The following UXS1 variants were observed in gnomAD, a reference collection of about 807,000 sequenced individuals.
The protein encoded by UXS1 is UDP-glucuronate decarboxylase 1.
Under a neutral mutation model 62.6 loss-of-function variants are expected in UXS1, and 33 were observed. The ratio of observed to expected loss-of-function variants is 0.53; its 90% CI spans 0.40 to 0.70. The LOEUF is 0.70. UXS1 is among the 30% of genes least tolerant of loss of function. UXS1 has a pLI of 0.00. For missense variants in UXS1, 434 were observed against 556.3 expected, an observed-to-expected ratio of 0.78 and a Z score of 2.21; for synonymous variants, 213 against 206.8, an observed-to-expected ratio of 1.03 and a Z score of -0.26.
At chr2:106,181,358 C>T (rs903739853) in intron 1 of UXS1, among the ~76,000 whole-genome samples, 7 of 152,200 alleles carry the variant, frequency 4.6e-5, no homozygotes, top group African/African-American at 1.4e-4. Flanking sequence ...CAGGCTCCAG[C>T]GAGCACCACC....
intron 9 of UXS1, among the ~76,000 whole-genome samples, chr2:106,114,323 T>C (rs1420799069): frequency 2.0e-5 from 3 of 152,214 alleles, no homozygotes; most frequent in African/African-American, 7.2e-5. Context: ...GCCACTCAGA[T>C]ACTCAGGACA....
chr2:106,193,807 G>A (rs1182110332), intron 1 of UXS1, among the ~76,000 whole-genome samples: 2 of 151,404 alleles, frequency 1.3e-5, no homozygotes, highest in Admixed American at 6.6e-5. Flanking sequence ...GTCCCCGACC[G>A]GGACCCTCGC....
chr2:106,119,550 A>C (rs964074124), intron 9 of UXS1, among the ~76,000 whole-genome samples: 1 of 152,212 alleles, frequency 6.6e-6, no homozygotes, highest in African/African-American at 2.4e-5. Context: ...CACCCACAGC[A>C]GGCACGCAGA....
At chr2:106,166,031 T>A in intron 2 of UXS1, 25 bp downstream of exon 2, 1 of 1,607,762 alleles carries the variant, frequency 6.2e-7, no homozygotes. Context: ...CCAACCACAG[T>A]ACCCAAGTAA....
intron 5 of UXS1, among the ~76,000 whole-genome samples, chr2:106,150,765 T>C (rs998584901): frequency 1.3e-5 from 2 of 152,126 alleles, no homozygotes; most frequent in Non-Finnish European, 2.9e-5. Context: ...ACTCCGGAAC[T>C]GTAAAGCTAC....
intron 6 of UXS1, among the ~76,000 whole-genome samples, chr2:106,141,730 T>C (rs1205413409): frequency 1.3e-5 from 2 of 152,160 alleles, no homozygotes; most frequent in African/African-American, 2.4e-5. Flanking sequence ...ATTACAGACA[T>C]GATCCACTGT....
At position 106,093,996 on chromosome 2, in the gene UXS1, T is replaced by C. The variant is rs1240687586; in HGVS notation, c.*30A>G. On this transcript the variant is annotated 3_prime_UTR_variant, in exon 15 of 15. Transcript: ENST00000283148. ...AAAATACATCCCATCAAGTGTACAA[T>C]GGTAGTCTTGTGTCCTAAAAGTGAG... 3.2e-6 allele frequency: 5 copies of C among 1,584,648 alleles called. No individual in the cohort carries two copies. The highest frequency in any genetic ancestry group is 2.7e-5 in the African/African-American group (2 of 72,872).
chr2:106,122,534 T>G (rs1679606208), intron 9 of UXS1, among the ~76,000 whole-genome samples: 1 of 152,148 alleles, frequency 6.6e-6, no homozygotes, highest in African/African-American at 2.4e-5. Context: ...CAATGACTAA[T>G]GAAGAAAGCA....
intron 7 of UXS1, among the ~76,000 whole-genome samples, chr2:106,126,486 C>T (rs1430717346): frequency 6.6e-6 from 1 of 152,130 alleles, no homozygotes; most frequent in African/African-American, 2.4e-5. Context: ...CCAACACATG[C>T]CCACGAAGCA....
intron 14 of UXS1, among the ~76,000 whole-genome samples, chr2:106,095,950 C>T (rs192173123): frequency 3.2e-4 from 49 of 152,314 alleles, no homozygotes; most frequent in Admixed American, 2.5e-3. Context: ...AGGCAGCAGC[C>T]GCCCCACCCT....
At chr2:106,104,603 G>A (rs926753833) in intron 11 of UXS1, among the ~76,000 whole-genome samples, 191 bp downstream of exon 11, 1 of 152,230 alleles carries the variant, frequency 6.6e-6, no homozygotes, top group Non-Finnish European at 1.5e-5. Context: ...TCATGGAGAT[G>A]AATGCAAATT....
chr2:106,194,102 C>T, intron 1 of UXS1, 46 bp downstream of exon 1: 1 of 1,411,618 alleles, frequency 7.1e-7, no homozygotes, highest in Non-Finnish European at 9.3e-7. Flanking sequence ...ACCGCGGCGC[C>T]GGGGAATGAA....
At chr2:106,182,838 C>T (rs1295934360) in intron 1 of UXS1, among the ~76,000 whole-genome samples, 1 of 151,936 alleles carries the variant, frequency 6.6e-6, no homozygotes, top group Non-Finnish European at 1.5e-5. Flanking sequence ...GGGGTGGGAA[C>T]GCAGGCAAGG....
intron 1 of UXS1, among the ~76,000 whole-genome samples, chr2:106,172,839 C>T (rs1683650189): frequency 6.6e-6 from 1 of 152,208 alleles, no homozygotes; most frequent in Non-Finnish European, 1.5e-5. Flanking sequence ...AGGCCATCTG[C>T]CTCGTCATTC....
intron 1 of UXS1, among the ~76,000 whole-genome samples, chr2:106,173,063 A>C (rs1178600442): frequency 2.6e-5 from 4 of 152,218 alleles, no homozygotes; most frequent in Non-Finnish European, 5.9e-5. Context: ...TCACCAGCTA[A>C]TATACCTATT....
At chr2:106,179,433 G>A (rs1315415314) in intron 1 of UXS1, 1 of 152,308 alleles carries the variant, frequency 6.6e-6, no homozygotes, top group African/African-American at 2.4e-5. Context: ...TCACCATGGA[G>A]TCTTCCGCCT....
intron 2 of UXS1, among the ~76,000 whole-genome samples, chr2:106,165,243 GAC>G (rs372516663): frequency 7.6e-4 from 116 of 152,262 alleles, no homozygotes; most frequent in Admixed American, 2.5e-3. Context: ...TTTGTCAGGA[GAC>G]ACACACATGC....
At chr2:106,167,048 T>G (rs1683258437) in intron 1 of UXS1, among the ~76,000 whole-genome samples, 1 of 152,196 alleles carries the variant, frequency 6.6e-6, no homozygotes, top group South Asian at 2.1e-4. Context: ...CACATCTCCC[T>G]TCTATACTCT....
intron 10 of UXS1, among the ~76,000 whole-genome samples, chr2:106,107,397 C>G (rs1163244363): frequency 1.3e-5 from 2 of 152,190 alleles, no homozygotes. Context: ...ACTCACACAC[C>G]GTCTCTCAGA....
Sources: allele counts gnomAD v4.1 joint callset (sites outside exome capture counted in the v4.1 genomes callset), GRCh38; gene constraint gnomAD v4.1.1; transcripts MANE v1.5; gene names NCBI Gene and HGNC (gene_info 2026-07-23, HGNC 2026-07-21).